DPP10: variants seen among roughly 807,000 people sequenced by gnomAD.
DPP10 encodes the protein dipeptidyl peptidase like 10, also known as inactive dipeptidyl peptidase 10.
Under a neutral mutation model 120.9 loss-of-function variants are expected in DPP10, and 33 were observed. The observed-to-expected ratio is 0.27, with a 90% CI of 0.21 to 0.37. The LOEUF (loss-of-function observed/expected upper bound fraction) is 0.37. Ranked by LOEUF, DPP10 falls within the 10% of genes least tolerant of loss-of-function variation. The probability of loss-of-function intolerance (pLI) is 1.00; values close to 1 mark genes in which losing one functional copy is unlikely to be tolerated. For missense variants in DPP10, 816 were observed against 942.8 expected (o/e 0.87, Z 1.76); for synonymous variants, 337 against 326.1 (o/e 1.03, Z -0.36).
At chr2:114,819,993 A>G (rs1447169585) in intron 1 of DPP10, among the ~76,000 whole-genome samples, 1 of 152,252 alleles carries the variant, frequency 6.6e-6, no homozygotes, top group African/African-American at 2.4e-5. Context: ...TTATACAGGT[A>G]TGCTATAGTG....
At position 114,664,246 on chromosome 2, in the gene DPP10, G is replaced by C. The variant is rs538037130; in HGVS notation, c.60+221408G>C. ...TCCTTTCCCTTCTTCTCACTGAAGAGAAAATTAACAAGAAGCATGTGGATA... is the reference window on the plus strand; with the variant it reads ...TCCTTTCCCTTCTTCTCACTGAAGACAAAATTAACAAGAAGCATGTGGATA... On this transcript the variant is annotated intron_variant, in intron 1 of 25. Coordinates refer to ENST00000410059, the MANE Select transcript of DPP10 (RefSeq NM_020868.6). 1.2e-4 allele frequency among the ~76,000 whole-genome samples: 18 copies of C among 151,964 alleles called. No individual in the cohort carries two copies. The South Asian group carries it at 3.3e-3, about 28-fold the overall frequency.
intron 1 of DPP10, among the ~76,000 whole-genome samples, chr2:115,013,678 A>G (rs1702426109): frequency 6.7e-6 from 1 of 150,158 alleles, no homozygotes; most frequent in African/African-American, 2.5e-5. Flanking sequence ...AAAAAAAAAA[A>G]GTACAGGGGT....
At chr2:114,582,295 A>G (rs1467339299) in intron 1 of DPP10, among the ~76,000 whole-genome samples, 1 of 152,196 alleles carries the variant, frequency 6.6e-6, no homozygotes, top group Non-Finnish European at 1.5e-5. Flanking sequence ...ACAGTGCTGA[A>G]TAATATTCCA....
intron 1 of DPP10, among the ~76,000 whole-genome samples, chr2:114,609,693 G>A (rs540863269): frequency 5.9e-5 from 9 of 152,264 alleles, no homozygotes; most frequent in East Asian, 5.8e-4. Context: ...CCAAACTATC[G>A]CATCCAAACT....
At chr2:115,302,406 A>C (rs574811685) in intron 1 of DPP10, among the ~76,000 whole-genome samples, 15 of 152,134 alleles carry the variant, frequency 9.9e-5, no homozygotes, top group African/African-American at 3.6e-4. Context: ...TTGTAAAAAA[A>C]CAAACCCAAG....
intron 1 of DPP10, among the ~76,000 whole-genome samples, chr2:115,071,662 C>A (rs887388646): frequency 1.3e-5 from 2 of 149,886 alleles, no homozygotes; most frequent in African/African-American, 2.5e-5. Flanking sequence ...CCAGAAGGGG[C>A]AATTTCTATA....
At chr2:115,254,164 C>T (rs576977150) in intron 1 of DPP10, among the ~76,000 whole-genome samples, 48 of 152,298 alleles carry the variant, frequency 3.2e-4, no homozygotes, top group Non-Finnish European at 6.2e-4. Flanking sequence ...GTTTAATTGA[C>T]TCACAGTACA....
chr2:115,717,798 G>T (rs908661025), intron 7 of DPP10, among the ~76,000 whole-genome samples: 1 of 152,050 alleles, frequency 6.6e-6, no homozygotes, highest in East Asian at 1.9e-4. Flanking sequence ...GGATGCTGAG[G>T]GTCTGCTGTT....
intron 3 of DPP10, among the ~76,000 whole-genome samples, chr2:115,432,659 TTGTGTGTGTGTGTGTG>T (rs59844767): frequency 2.9e-5 from 4 of 137,672 alleles, no homozygotes; most frequent in Admixed American, 7.4e-5. Flanking sequence ...ATAGGCAATT[TTGTGTGTGTGTGTGTG>T]TGTGTGTGTG....
At chr2:115,667,386 A>G (rs1340077632) in intron 5 of DPP10, among the ~76,000 whole-genome samples, 1 of 151,934 alleles carries the variant, frequency 6.6e-6, no homozygotes, top group Admixed American at 6.6e-5. Context: ...TTTTGTTGCA[A>G]TTGCTTTTGG....
chr2:114,460,213 CTATCTATCTATT>C (rs748326995), intron 1 of DPP10, among the ~76,000 whole-genome samples: 107 of 129,746 alleles, frequency 8.2e-4, no homozygotes, highest in Non-Finnish European at 1.5e-3. Context: ...ATCTATCTAT[CTATCTATCTATT>C]CTAAGAGCAT....
intron 1 of DPP10, among the ~76,000 whole-genome samples, chr2:114,582,285 A>G (rs1690594715): frequency 6.6e-6 from 1 of 152,144 alleles, no homozygotes; most frequent in South Asian, 2.1e-4. Context: ...TCATTTCTTT[A>G]CAGTGCTGAA....
chr2:114,719,885 G>A (rs1461390800), intron 1 of DPP10, among the ~76,000 whole-genome samples: 1 of 152,188 alleles, frequency 6.6e-6, no homozygotes, highest in Non-Finnish European at 1.5e-5. Flanking sequence ...TGGACTTGAA[G>A]AACATACAGT....
At chr2:114,836,210 T>A (rs10178608) in intron 1 of DPP10, among the ~76,000 whole-genome samples, 7,588 of 152,240 alleles carry the variant, frequency 0.05, 582 homozygotes, top group African/African-American at 0.17. Context: ...CATAGCACTT[T>A]ATGTGTGCTG....
chr2:114,537,003 T>C (rs1451434471), intron 1 of DPP10, among the ~76,000 whole-genome samples: 1 of 152,208 alleles, frequency 6.6e-6, no homozygotes, highest in African/African-American at 2.4e-5. Flanking sequence ...TTGAAAAGTC[T>C]TATAACTCCA....
At chr2:114,868,820 A>G (rs1208635269) in intron 1 of DPP10, among the ~76,000 whole-genome samples, 1 of 152,156 alleles carries the variant, frequency 6.6e-6, no homozygotes, top group Non-Finnish European at 1.5e-5. Flanking sequence ...AAGGCATCAG[A>G]GCATGATGCT....
rs1401652594 is a variant in DPP10 at position 115,560,104 on chromosome 2, T to C, written c.441+34132T>C. On this transcript the variant is annotated intron_variant, in intron 5 of 25. Transcript: ENST00000410059. ...GTCAAAGAGCCCACAGTGTGTTCATTACTTTTTTAAGATACGACAACTTTG... is the reference window on the plus strand; with the variant it reads ...GTCAAAGAGCCCACAGTGTGTTCATCACTTTTTTAAGATACGACAACTTTG... 2.0e-5 allele frequency among the ~76,000 whole-genome samples: 3 copies of C among 151,734 alleles called. No homozygotes were observed. In the East Asian group the frequency reaches 5.9e-4, roughly 30 times the overall value.
At chr2:114,458,112 C>G (rs1178221950) in intron 1 of DPP10, among the ~76,000 whole-genome samples, 1 of 151,042 alleles carries the variant, frequency 6.6e-6, no homozygotes, top group African/African-American at 2.5e-5. Flanking sequence ...CATTCCTGGT[C>G]TCTTTCCAGA....
chr2:115,011,039 C>T (rs932479839), intron 1 of DPP10, among the ~76,000 whole-genome samples: 2 of 152,142 alleles, frequency 1.3e-5, no homozygotes, highest in South Asian at 2.1e-4. Context: ...TTTGTTTGAT[C>T]CATGGTTATT....
Sources: allele counts gnomAD v4.1 joint callset (sites outside exome capture counted in the v4.1 genomes callset), GRCh38; gene constraint gnomAD v4.1.1; transcripts MANE v1.5; gene names NCBI Gene and HGNC (gene_info 2026-07-23, HGNC 2026-07-21).